Variants in FRMD7 observed in about 807,000 individuals in gnomAD.
FRMD7 encodes the protein FERM domain-containing protein 7.
A neutral mutation model predicts 44.1 loss-of-function variants in FRMD7; 14 were observed. That is an observed-to-expected ratio of 0.32 (90% CI 0.21 to 0.50). The LOEUF is 0.50. FRMD7 is among the 20% of genes least tolerant of loss of function. FRMD7 has a pLI of 0.99. For missense variants in FRMD7, 501 were observed against 522.3 expected (o/e 0.96, Z 0.40); for synonymous variants, 212 against 187.4 (o/e 1.13, Z -1.07).
In FRMD7 at chrX:132,078,066, T is replaced by C; in HGVS notation, c.1951A>G (p.Ser651Gly). 1 of 1,211,536 alleles carries C rather than the reference T, an allele frequency of 8.3e-7. No individual in the cohort carries two copies. The highest frequency in any genetic ancestry group is 1.1e-6 in the Non-Finnish European group (1 of 895,246). ...TAERYVASESSDSESEILKPD... is the reference protein window; with the variant it reads ...TAERYVASESGDSESEILKPD... ...TTAAGAATCTCTGATTCAGAATCAC[T>C]GGATTCACTAGCTACATACCTTTCT... Residue 651 changes from serine to glycine, a missense_variant, in exon 12 of 12, where the codon AGT (serine) becomes GGT (glycine). By Grantham distance (56) the Ser-to-Gly change is moderately conservative (BLOSUM62 0). This residue lies in a region of FRMD7 where 453 missense variants were observed against 452.7 expected (regional missense o/e 1.00). Coordinates refer to ENST00000298542, the MANE Select transcript of FRMD7 (RefSeq NM_194277.3).
chrX:132,104,700 CA>C (rs1262281926), intron 1 of FRMD7, among the ~76,000 whole-genome samples: 1 of 110,512 alleles, frequency 9.0e-6, no homozygotes, highest in East Asian at 2.8e-4. Flanking sequence ...CTCAAAAAAC[CA>C]AAAAAACAAA....
At chrX:132,084,624 C>G (rs765724332) in intron 7 of FRMD7, 39 bp from the exon 8 acceptor site, 9 of 841,168 alleles carry the variant, frequency 1.1e-5, no homozygotes, top group Non-Finnish European at 1.6e-5. Context: ...AATGTATTAA[C>G]AAGAGTTGGC....
chrX:132,121,122 C>T (rs1929023945), intron 1 of FRMD7, among the ~76,000 whole-genome samples: 2 of 111,616 alleles, frequency 1.8e-5, no homozygotes, highest in African/African-American at 6.5e-5. Flanking sequence ...GCTGTTTAGG[C>T]AGGCTGCTTG....
intron 1 of FRMD7, among the ~76,000 whole-genome samples, chrX:132,110,823 C>G (rs1457777901): frequency 8.9e-6 from 1 of 112,600 alleles, no homozygotes; most frequent in African/African-American, 3.2e-5. Context: ...ATATCAAAAG[C>G]TTTCTGCTGG....
intron 1 of FRMD7, among the ~76,000 whole-genome samples, chrX:132,123,886 A>G (rs1929093662): frequency 8.9e-6 from 1 of 112,630 alleles, no homozygotes; most frequent in Non-Finnish European, 1.9e-5. Flanking sequence ...CATTTTGGAA[A>G]TTCAGAAATA....
intron 1 of FRMD7, among the ~76,000 whole-genome samples, chrX:132,116,262 G>C (rs959874127): frequency 8.9e-6 from 1 of 111,843 alleles, no homozygotes; most frequent in Non-Finnish European, 1.9e-5. Context: ...AACAACTATT[G>C]CTTGCCTTCT....
At position 132,082,362 on chromosome X, in the gene FRMD7, C is replaced by T. The variant is rs886041507; in HGVS notation, c.905+1G>A. On this transcript the variant is annotated splice_donor_variant, in intron 9 of 11. Coordinates refer to ENST00000298542, the MANE Select transcript of FRMD7 (RefSeq NM_194277.3). LOFTEE classifies it high-confidence loss of function. ...TTTGCCTATGTGCATTGTTTAATTA[C>T]CTATAGCGGAAACTGGAACCCTTGC... The T allele has an allele frequency of 8.3e-7, 1 of 1,206,577 alleles. No homozygotes were observed. The highest frequency in any genetic ancestry group is 1.1e-6 in the Non-Finnish European group (1 of 890,991).
At chrX:132,127,420 C>T (rs1390092960) in intron 1 of FRMD7, among the ~76,000 whole-genome samples, 1 of 111,994 alleles carries the variant, frequency 8.9e-6, no homozygotes, top group Non-Finnish European at 1.9e-5. Context: ...TCCCTCAGAA[C>T]AACAGTTTTC....
intron 1 of FRMD7, among the ~76,000 whole-genome samples, chrX:132,112,756 A>G (rs1928809272): frequency 9.0e-6 from 1 of 111,061 alleles, no homozygotes; most frequent in Non-Finnish European, 1.9e-5. Context: ...GTTGATGCCA[A>G]CCAAACCAAG....
chrX:132,086,559 G>A (rs191086149), intron 5 of FRMD7, among the ~76,000 whole-genome samples: 1 of 108,961 alleles, frequency 9.2e-6, no homozygotes, highest in Non-Finnish European at 1.9e-5. Context: ...AAGAAATTTG[G>A]ACACACAGAG....
intron 5 of FRMD7, among the ~76,000 whole-genome samples, chrX:132,087,572 T>C (rs930192020): frequency 1.8e-5 from 2 of 111,767 alleles, no homozygotes; most frequent in African/African-American, 6.5e-5. Context: ...ACAAATCACA[T>C]TGAAACCCAA....
intron 1 of FRMD7, among the ~76,000 whole-genome samples, chrX:132,103,591 A>G (rs1010531976): frequency 9.0e-6 from 1 of 111,660 alleles, no homozygotes; most frequent in African/African-American, 3.3e-5. Flanking sequence ...TTATTGGGTC[A>G]TAACAATTGA....
chrX:132,084,015 A>C (rs997262425), intron 8 of FRMD7, among the ~76,000 whole-genome samples: 1 of 111,783 alleles, frequency 8.9e-6, no homozygotes, highest in African/African-American at 3.3e-5. Flanking sequence ...TTACTATGCA[A>C]CCTTGCCCAA....
chrX:132,092,225 G>C (rs1369162664), intron 5 of FRMD7, among the ~76,000 whole-genome samples: 1 of 112,134 alleles, frequency 8.9e-6, no homozygotes. Context: ...GCTTGTGTTT[G>C]GGAGGGAGTG....
intron 1 of FRMD7, among the ~76,000 whole-genome samples, chrX:132,103,509 TATC>T (rs767017233): frequency 9.2e-6 from 1 of 109,074 alleles, no homozygotes; most frequent in Non-Finnish European, 1.9e-5. Flanking sequence ...TCTATCTATC[TATC>T]TATCTATCTA....
At chrX:132,109,965 C>A (rs1250194343) in intron 1 of FRMD7, among the ~76,000 whole-genome samples, 1 of 110,775 alleles carries the variant, frequency 9.0e-6, no homozygotes, top group Non-Finnish European at 1.9e-5. Flanking sequence ...AGCCATGTGC[C>A]TTGAAGGTGA....
chrX:132,084,450 G>A (rs771052446), intron 8 of FRMD7, 40 bp downstream of exon 8: 5 of 861,075 alleles, frequency 5.8e-6, no homozygotes, highest in Non-Finnish European at 8.7e-6. Flanking sequence ...AAAATTCCCA[G>A]TGAACAGAAA....
At position 132,080,041 on chromosome X, in the gene FRMD7, A is replaced by T. The variant is rs2124211963; in HGVS notation, c.1015T>A (p.Ser339Thr). ...PSQYHERQCR[S>T]SPDLLSDVSK... The stretch of plus-strand genomic sequence containing the variant: ...ACATCAGAGAGGAGGTCTGGTGAGG[A>T]CCTGCACTGTCGTTCATGGTACTGA... Residue 339 changes from serine (S) to threonine (T), a missense_variant, in exon 11 of 12, where the codon TCC becomes ACC. Around this residue, in one of 3 missense-constraint regions of FRMD7, gnomAD observed 453 missense variants for 452.7 expected, o/e 1.00. Coordinates refer to ENST00000298542, the MANE Select transcript of FRMD7 (RefSeq NM_194277.3). 8.3e-7 allele frequency: 1 copy of T among 1,203,348 alleles called. No individual in the cohort carries two copies. Among genetic ancestry groups the T allele is most frequent in the South Asian group, 1.8e-5 (1 of 56,801 alleles).
Position 132,085,612 on chromosome X carries a change from G to A in FRMD7, c.614C>T (p.Ala205Val). Residue 205 changes from alanine to valine, a missense_variant, in exon 7 of 12, where the codon GCT becomes GTT. By Grantham distance (64) the Ala-to-Val change is moderately conservative. Transcript: ENST00000298542. ...CACCAGTACTCCCATGTGAGCAACA[G>A]CCAGGTGAATCTGCATCCCTTCACC... ...SDGEGMQIHLAVAHMGVLVLR... is the reference protein window; with the variant it reads ...SDGEGMQIHLVVAHMGVLVLR... The A allele has an allele frequency of 8.3e-7, 1 of 1,210,989 alleles. No homozygotes were observed. The highest frequency in any genetic ancestry group is 1.1e-6 in the Non-Finnish European group (1 of 894,738).
Sources: allele counts gnomAD v4.1 joint callset (sites outside exome capture counted in the v4.1 genomes callset), GRCh38; gene constraint gnomAD v4.1.1; regional missense constraint gnomAD v4.1.1; transcripts MANE v1.5; gene names NCBI Gene and HGNC (gene_info 2026-07-23, HGNC 2026-07-21).